Variants in RNF170 observed in about 807,000 individuals in gnomAD.
RNF170 encodes the protein E3 ubiquitin-protein ligase RNF170.
RNF170 carries 12 observed loss-of-function variants against 32.7 expected under a neutral mutation model. The ratio of observed to expected loss-of-function variants is 0.37; its 90% CI spans 0.24 to 0.60. The LOEUF (loss-of-function observed/expected upper bound fraction) is 0.60, where lower values mean the gene tolerates loss of function less well. Ranked by LOEUF, RNF170 falls within the 20% of genes least tolerant of loss-of-function variation. RNF170 has a pLI of 0.72. For synonymous variants in RNF170, 91 were observed against 103.6 expected, an observed-to-expected ratio of 0.88 and a Z score of 0.74; for missense variants, 212 against 311.2, an observed-to-expected ratio of 0.68 and a Z score of 2.40.
chr8:42,856,481 C>T, intron 6 of RNF170, 53 bp from the exon 7 acceptor site: 1 of 1,264,928 alleles, frequency 7.9e-7, no homozygotes, highest in South Asian at 1.3e-5. Flanking sequence ...TGTCAGATTT[C>T]AAAATAATAT....
chr8:42,873,961 C>A lies in RNF170; in HGVS notation c.183G>T (p.Arg61Ser). ...CTGTTTGAAGCTGTTCTCGAAGTAC[C>A]CTTACTAGCTCCTGGTTTTCTGGGT... Reference protein sequence around the residue: ...NIHPENQELVRVLREQLQTEQ... With the variant: ...NIHPENQELVSVLREQLQTEQ... The change falls in exon 3 of 7, where the codon AGG (arginine) becomes AGT (serine). Residue 61 changes from arginine (R) to serine (S), a missense_variant. This residue lies in a region of RNF170 where 115 missense variants were observed against 132.3 expected (regional missense o/e 0.87). Transcript: ENST00000527424. The A allele has an allele frequency of 6.2e-7, 1 of 1,603,500 alleles. No homozygotes were observed. The highest frequency in any genetic ancestry group is 8.5e-7 in the Non-Finnish European group (1 of 1,170,578).
Position 42,887,737 on chromosome 8 carries a change from GC to G in RNF170, c.127del (p.Ala43HisfsTer17). 1 of 1,614,024 alleles carries G rather than the reference GC, an allele frequency of 6.2e-7. No homozygotes were observed. Among genetic ancestry groups the G allele is most frequent in the Non-Finnish European group, 8.5e-7 (1 of 1,179,952 alleles). On this transcript the variant is annotated frameshift_variant, in exon 2 of 7. Coordinates refer to ENST00000527424, the MANE Select transcript of RNF170 (RefSeq NM_030954.4). LOFTEE classifies it high-confidence loss of function. ...SFALIATLVYALFRNVHQNIH... is the reference protein window; with the variant it reads ...SFALIATLVYXLFRNVHQNIH... ...TGTCCTTAAATCTCACCTGAAAAGT[GC>G]ATATACCAGGGTAGCAATCAAAGCG...
At chr8:42,860,158 C>T (rs551844801) in intron 6 of RNF170, among the ~76,000 whole-genome samples, 3 of 152,248 alleles carry the variant, frequency 2.0e-5, no homozygotes, top group East Asian at 1.9e-4. Context: ...GAAATGGAAG[C>T]GAAGCAGTTG....
At chr8:42,850,547 T>C (rs527748240), downstream of RNF170, 25 of 552,434 alleles carry the variant, frequency 4.5e-5, no homozygotes, top group Non-Finnish European at 7.2e-5. Flanking sequence ...ACTACTGTGG[T>C]GGCAGGCATA....
chr8:42,869,928 G>A, intron 4 of RNF170, 76 bp downstream of exon 4: 1 of 995,126 alleles, frequency 1.0e-6, no homozygotes, highest in Non-Finnish European at 1.6e-6. Flanking sequence ...AGAGAAAATT[G>A]GGAATCCAGC....
chr8:42,851,705 A>C (rs546824755), downstream of RNF170, among the ~76,000 whole-genome samples: 156 of 152,134 alleles, frequency 1.0e-3, no homozygotes, highest in African/African-American at 3.5e-3. Context: ...GGTGCAACCC[A>C]CAAGGCTCAC....
chr8:42,895,314 T>C (rs184925469), intron 1 of RNF170, among the ~76,000 whole-genome samples: 100 of 151,924 alleles, frequency 6.6e-4, no homozygotes, highest in African/African-American at 2.2e-3. Flanking sequence ...AAAACCACCA[T>C]CAACAACAAC....
At chr8:42,874,318 A>T (rs1230878615) in intron 2 of RNF170, among the ~76,000 whole-genome samples, 1 of 152,248 alleles carries the variant, frequency 6.6e-6, no homozygotes, top group African/African-American at 2.4e-5. Context: ...AATTTCTTCA[A>T]AATAAGCAGC....
intron 6 of RNF170, among the ~76,000 whole-genome samples, chr8:42,860,286 T>G (rs987359584): frequency 2.0e-5 from 3 of 152,242 alleles, no homozygotes; most frequent in African/African-American, 7.2e-5. Flanking sequence ...ATGTGTTAGA[T>G]TTTGATAAAA....
chr8:42,882,932 G>A (rs189461380), intron 2 of RNF170, among the ~76,000 whole-genome samples: 137 of 152,220 alleles, frequency 9.0e-4, no homozygotes, highest in African/African-American at 3.2e-3. Context: ...CCATGGCGGT[G>A]TGTGCCTGTG....
intron 5 of RNF170, among the ~76,000 whole-genome samples, chr8:42,862,239 T>A (rs1803716614): frequency 6.6e-6 from 1 of 152,228 alleles, no homozygotes; most frequent in Admixed American, 6.5e-5. Context: ...GTTTTCTTTT[T>A]CAGTATTAAA....
chr8:42,871,007 G>A (rs868219412), intron 3 of RNF170, among the ~76,000 whole-genome samples: 6 of 151,908 alleles, frequency 3.9e-5, no homozygotes, highest in Middle Eastern at 3.4e-3. Flanking sequence ...TCAGGAGTTC[G>A]AGACCAGCCT....
chr8:42,867,775 C>CAAAAAAA (rs1054907767), intron 4 of RNF170, among the ~76,000 whole-genome samples: 44 of 24,460 alleles, frequency 1.8e-3, no homozygotes, highest in African/African-American at 2.7e-3. Flanking sequence ...GACTCCATCT[C>CAAAAAAA]AAAAAAAAAA....
intron 2 of RNF170, 21 bp from the exon 3 acceptor site, chr8:42,874,027 A>C (rs775081556): frequency 5.7e-6 from 8 of 1,392,212 alleles, no homozygotes; most frequent in Admixed American, 3.4e-5. Context: ...GAATATAATA[A>C]ATTTTGAATA....
intron 5 of RNF170, 47 bp from the exon 6 acceptor site, chr8:42,861,902 T>A (rs1803692971): frequency 6.5e-7 from 1 of 1,532,218 alleles, no homozygotes. Context: ...TGCATCATTA[T>A]GTTTTTTTCA....
chr8:42,851,017 T>C, downstream of RNF170: 1 of 1,549,994 alleles, frequency 6.5e-7, no homozygotes, highest in South Asian at 1.2e-5. Flanking sequence ...GTAGTCAGAA[T>C]GACCTTTTAA....
chr8:42,861,939 T>C, intron 5 of RNF170, 84 bp from the exon 6 acceptor site: 1 of 1,373,224 alleles, frequency 7.3e-7, no homozygotes, highest in Admixed American at 2.5e-5. Context: ...AATAGAATGA[T>C]AAAGGCTTCT....
chr8:42,897,102 G>A (rs367925456), upstream of RNF170: 3,495 of 1,240,906 alleles, frequency 2.8e-3, 5 homozygotes, highest in Non-Finnish European at 3.2e-3. Context: ...CTGGCCAGGC[G>A]GTAGGCGCTG....
At chr8:42,879,696 C>CA (rs1805231160) in intron 2 of RNF170, among the ~76,000 whole-genome samples, 1 of 150,688 alleles carries the variant, frequency 6.6e-6, no homozygotes, top group Admixed American at 6.6e-5. Flanking sequence ...TTTTTTGAGA[C>CA]AGAGTCTCAC....
Sources: allele counts gnomAD v4.1 joint callset (sites outside exome capture counted in the v4.1 genomes callset), GRCh38; gene constraint gnomAD v4.1.1; regional missense constraint gnomAD v4.1.1; transcripts MANE v1.5; gene names NCBI Gene and HGNC (gene_info 2026-07-23, HGNC 2026-07-21).